CREBL2: variants seen among roughly 807,000 people sequenced by gnomAD.
CREBL2 encodes the protein cAMP responsive element binding protein like 2, also known as cAMP-responsive element-binding protein-like 2.
Under a neutral mutation model 19.5 loss-of-function variants are expected in CREBL2, and 4 were observed. The ratio of observed to expected loss-of-function variants is 0.20; its 90% CI spans 0.10 to 0.47. The LOEUF (loss-of-function observed/expected upper bound fraction) is 0.47, where lower values mean the gene tolerates loss of function less well. Among genes scored for constraint, CREBL2 ranks in the 20% least tolerant of loss-of-function variants. The pLI, the probability that CREBL2 is intolerant of heterozygous loss-of-function variation, is 0.98. For synonymous variants in CREBL2, 42 were observed against 46.6 expected, an observed-to-expected ratio of 0.90 and a Z score of 0.40; for missense variants, 85 against 145.1, an observed-to-expected ratio of 0.59 and a Z score of 2.13.
intron 1 of CREBL2, among the ~76,000 whole-genome samples, chr12:12,613,433 T>G (rs1343283775): frequency 6.6e-6 from 1 of 152,252 alleles, no homozygotes; most frequent in Non-Finnish European, 1.5e-5. Context: ...TTTTTGCTGC[T>G]GCTGCAGTTT....
At chr12:12,632,182 A>G (rs948360469) in intron 1 of CREBL2, among the ~76,000 whole-genome samples, 185 of 134,350 alleles carry the variant, frequency 1.4e-3, no homozygotes, top group African/African-American at 5.1e-3. Context: ...GGTTCACGCC[A>G]TTCTCCTGCC....
chr12:12,612,683 T>G (rs1945277702), intron 1 of CREBL2, among the ~76,000 whole-genome samples: 1 of 152,146 alleles, frequency 6.6e-6, no homozygotes, highest in Non-Finnish European at 1.5e-5. Flanking sequence ...CTGTTGCTAT[T>G]TGGCCAGTGT....
At chr12:12,635,704 T>A (rs753866452) in intron 1 of CREBL2, 73 bp from the exon 2 acceptor site, 46 of 1,484,964 alleles carry the variant, frequency 3.1e-5, no homozygotes, top group Non-Finnish European at 3.8e-5. Flanking sequence ...TTCTCTTTGC[T>A]AATATGCAGC....
chr12:12,622,367 AC>A (rs1224241515), intron 1 of CREBL2, among the ~76,000 whole-genome samples: 2 of 152,220 alleles, frequency 1.3e-5, no homozygotes, highest in East Asian at 3.8e-4. Flanking sequence ...GCTAAAGAGA[AC>A]CCTGGAAAAC....
chr12:12,633,164 T>C (rs1390168931), intron 1 of CREBL2, among the ~76,000 whole-genome samples: 9 of 152,124 alleles, frequency 5.9e-5, no homozygotes, highest in Non-Finnish European at 1.0e-4. Flanking sequence ...CTCGAATTCC[T>C]GACCTCAGGT....
At chr12:12,636,035 T>G (rs1566114058) in intron 2 of CREBL2, 61 bp downstream of exon 2, 8 of 1,435,904 alleles carry the variant, frequency 5.6e-6, no homozygotes, top group Non-Finnish European at 2.9e-6. Flanking sequence ...AATAATACAT[T>G]AAAATACGAA....
At chr12:12,622,891 C>T (rs142039162) in intron 1 of CREBL2, among the ~76,000 whole-genome samples, 1 of 152,134 alleles carries the variant, frequency 6.6e-6, no homozygotes, top group Non-Finnish European at 1.5e-5. Context: ...AAAACAAGCC[C>T]TCCTGTTTTC....
chr12:12,626,328 C>A (rs936836954), intron 1 of CREBL2, among the ~76,000 whole-genome samples: 1 of 152,186 alleles, frequency 6.6e-6, no homozygotes, highest in Admixed American at 6.5e-5. Context: ...TTGTCTTTCG[C>A]TGTAATGGTT....
intron 1 of CREBL2, among the ~76,000 whole-genome samples, chr12:12,617,643 C>CCTTTTTTTT (rs1945320916): frequency 2.6e-5 from 1 of 38,716 alleles, no homozygotes; most frequent in Non-Finnish European, 5.4e-5. Flanking sequence ...TTTAGTAATT[C>CCTTTTTTTT]TTTTTTTTTT....
chr12:12,639,451 C>T (rs1460183920), intron 3 of CREBL2, among the ~76,000 whole-genome samples: 1 of 152,168 alleles, frequency 6.6e-6, no homozygotes, highest in Non-Finnish European at 1.5e-5. Flanking sequence ...GTCCACATCT[C>T]ATCAACTTAT....
At chr12:12,635,262 G>A (rs577915906) in intron 1 of CREBL2, among the ~76,000 whole-genome samples, 2 of 151,830 alleles carry the variant, frequency 1.3e-5, no homozygotes, top group Non-Finnish European at 2.9e-5. Flanking sequence ...ACAGCGACAC[G>A]GGAGGCTGAA....
intron 3 of CREBL2, 147 bp downstream of exon 3, chr12:12,637,861 C>A: frequency 1.2e-6 from 1 of 809,954 alleles, no homozygotes; most frequent in Non-Finnish European, 1.8e-6. Flanking sequence ...GGCAACATGG[C>A]AAAACCCCAT....
rs1248375488 is a variant in CREBL2 at position 12,641,250 on chromosome 12, A to ATTTTTTTTTTTTTTTTTTTTT, written c.359-742_359-741insTTTTTTTTTTTTTTTTTTTTT. Among the ~76,000 whole-genome samples, 25 of 57,998 alleles carry ATTTTTTTTTTTTTTTTTTTTT rather than the reference A, an allele frequency of 4.3e-4. 4 individuals carry two copies. The highest frequency in any genetic ancestry group is 6.6e-4 in the Non-Finnish European group (19 of 28,692). 38.0% of individuals were successfully genotyped at this position (57,998 alleles called of 152,430 possible). ...CTTTATTATTATTATTATTATTATT[A>ATTTTTTTTTTTTTTTTTTTTT]TTATTTTTTTTTATTTTTTTTTTTT... On this transcript the variant is annotated intron_variant, in intron 3 of 3. Coordinates refer to ENST00000228865, the MANE Select transcript of CREBL2 (RefSeq NM_001310.4).
chr12:12,630,221 GCTTTT>G (rs1945433325), intron 1 of CREBL2, among the ~76,000 whole-genome samples: 1 of 151,966 alleles, frequency 6.6e-6, no homozygotes, highest in Non-Finnish European at 1.5e-5. Context: ...GTAAACCTAG[GCTTTT>G]CTTTGATTAC....
At chr12:12,627,121 T>C (rs1234091924) in intron 1 of CREBL2, among the ~76,000 whole-genome samples, 1 of 152,106 alleles carries the variant, frequency 6.6e-6, no homozygotes, top group Non-Finnish European at 1.5e-5. Flanking sequence ...ATACTGCTTA[T>C]CAAAATTCAT....
chr12:12,627,842 G>A (rs1226969526), intron 1 of CREBL2, among the ~76,000 whole-genome samples: 1 of 152,152 alleles, frequency 6.6e-6, no homozygotes, highest in African/African-American at 2.4e-5. Flanking sequence ...CCACAGCAAT[G>A]TATGAGGATT....
At chr12:12,628,307 A>G (rs1025461584) in intron 1 of CREBL2, among the ~76,000 whole-genome samples, 2 of 152,088 alleles carry the variant, frequency 1.3e-5, no homozygotes, top group Admixed American at 6.5e-5. Flanking sequence ...GCATTTGTAT[A>G]TCTTCTTTGG....
intron 1 of CREBL2, among the ~76,000 whole-genome samples, chr12:12,622,115 A>G (rs569207177): frequency 6.6e-6 from 1 of 152,224 alleles, no homozygotes; most frequent in Non-Finnish European, 1.5e-5. Flanking sequence ...GGGTGTGTTA[A>G]TAAGGACCTT....
chr12:12,636,690 G>A (rs778813442), intron 2 of CREBL2, among the ~76,000 whole-genome samples: 19 of 152,168 alleles, frequency 1.2e-4, no homozygotes, highest in Non-Finnish European at 2.4e-4. Flanking sequence ...CAAAGTGCTG[G>A]GATTACAGGC....
Sources: gnomAD v4.1 joint callset for allele counts (sites outside exome capture counted in the v4.1 genomes callset) on GRCh38, gnomAD v4.1.1 for gene constraint, MANE v1.5 for transcripts, NCBI Gene and HGNC (gene_info 2026-07-23, HGNC 2026-07-21) for gene names.